GRM5: variants seen among roughly 807,000 people sequenced by gnomAD.
GRM5 encodes the protein metabotropic glutamate receptor 5.
In GRM5, 19 loss-of-function variants were observed where a neutral mutation model predicts 83.1. The ratio of observed to expected loss-of-function variants is 0.23; its 90% confidence interval spans 0.16 to 0.34. The LOEUF (loss-of-function observed/expected upper bound fraction) is 0.34. GRM5 is among the 10% of genes least tolerant of loss of function. The probability of loss-of-function intolerance (pLI) is 1.00; values close to 1 mark genes in which losing one functional copy is unlikely to be tolerated. For missense variants in GRM5, 1,160 were observed against 1,588.3 expected, an observed-to-expected ratio of 0.73 and a Z score of 4.58; for synonymous variants, 675 against 633.6, an observed-to-expected ratio of 1.07 and a Z score of -0.98.
chr11:88,935,361 G>A (rs1937857378), intron 2 of GRM5, among the ~76,000 whole-genome samples: 1 of 151,762 alleles, frequency 6.6e-6, no homozygotes, highest in African/African-American at 2.4e-5. Context: ...GTGTGTGTGT[G>A]TATAATTTAT....
chr11:89,064,746 A>T lies in GRM5; in HGVS notation c.-201+1030T>A, dbSNP rs182833739. ...AACTACCTAGGGTAGAACTGAATGA[A>T]CGCAGTGATGCCAAACCCGATCACC... On this transcript the variant is annotated intron_variant, in intron 1 of 9. Coordinates refer to ENST00000305447, the MANE Select transcript of GRM5 (RefSeq NM_001143831.3). Among the ~76,000 whole-genome samples the T allele has an allele frequency of 3.7e-3, 563 of 151,462 alleles. 3 individuals carry two copies. Among genetic ancestry groups the T allele is most frequent in the African/African-American group, 0.013 (533 of 41,378 alleles).
At chr11:88,784,950 T>C (rs1903840) in intron 3 of GRM5, among the ~76,000 whole-genome samples, 110,008 of 151,906 alleles carry the variant, frequency 0.72, 40,252 homozygotes, top group African/African-American at 0.75. Context: ...AATCATAGAC[T>C]AAGAGCTGAA....
chr11:88,609,142 C>G (rs1040918818), intron 4 of GRM5, among the ~76,000 whole-genome samples: 2 of 152,166 alleles, frequency 1.3e-5, no homozygotes, highest in African/African-American at 2.4e-5. Flanking sequence ...CCATAGCTCC[C>G]TACCACCCTT....
At chr11:89,023,162 TGTGCGCGCGC>T (rs1941029597) in intron 2 of GRM5, among the ~76,000 whole-genome samples, 1 of 151,058 alleles carries the variant, frequency 6.6e-6, no homozygotes. Flanking sequence ...TGTGTGTGTG[TGTGCGCGCGC>T]GTGCACATGT....
At chr11:88,755,100 T>C (rs1380184382) in intron 3 of GRM5, among the ~76,000 whole-genome samples, 2 of 152,192 alleles carry the variant, frequency 1.3e-5, no homozygotes, top group Non-Finnish European at 2.9e-5. Context: ...TAGAGAAATA[T>C]AATGGATTAA....
At position 88,567,809 on chromosome 11, in the gene GRM5, A is replaced by T; in HGVS notation, c.1874T>A (p.Ile625Asn). 6.2e-7 allele frequency: 1 copy of T among 1,614,150 alleles called. No homozygotes were observed. The highest frequency in any genetic ancestry group is 8.5e-7 in the Non-Finnish European group (1 of 1,179,974). ...RELCYIILAG[I>N]CLGYLCTFCL... is the part of the protein sequence containing the mutation. Reference sequence around the variant, plus strand: ...GAAGGTACATAAGTAGCCCAGGCAGATGCCAGCAAGGATAATGTAGCAGAG... The same window carrying T: ...GAAGGTACATAAGTAGCCCAGGCAGTTGCCAGCAAGGATAATGTAGCAGAG... Residue 625 changes from isoleucine (I) to asparagine (N), a missense_variant, in exon 8 of 10, where the codon ATC (isoleucine) becomes AAC (asparagine). Ile to Asn is a moderately radical substitution (Grantham distance 149, BLOSUM62 -3). Transcript: ENST00000305447. This position sits in a 1 kb window ranked among gnomAD's most constrained non-coding sequence, Gnocchi z 7.3.
At chr11:88,944,645 C>A (rs1590985573) in intron 2 of GRM5, among the ~76,000 whole-genome samples, 1 of 151,694 alleles carries the variant, frequency 6.6e-6, no homozygotes, top group African/African-American at 2.4e-5. Context: ...CAGTTGTGTG[C>A]AGCTTATAAA....
intron 2 of GRM5, among the ~76,000 whole-genome samples, chr11:88,945,470 A>G (rs1031437859): frequency 6.6e-6 from 1 of 152,104 alleles, no homozygotes; most frequent in Non-Finnish European, 1.5e-5. Context: ...AGCCAGATAC[A>G]TCACATCTTC....
chr11:88,678,725 G>A lies in GRM5; in HGVS notation c.912-25322C>T, dbSNP rs1024069958. ...TGGAAAGAAATATAATGAAGAAACTGATTTTATCTACTCTGAGGCTACAAA... is the reference window on the plus strand; with the variant it reads ...TGGAAAGAAATATAATGAAGAAACTAATTTTATCTACTCTGAGGCTACAAA... On this transcript the variant is annotated intron_variant, in intron 3 of 9. Coordinates refer to ENST00000305447, the MANE Select transcript of GRM5 (RefSeq NM_001143831.3). Among the ~76,000 whole-genome samples, 9 of 152,086 alleles carry A rather than the reference G, an allele frequency of 5.9e-5. 1 individual carries two copies. Among genetic ancestry groups the A allele is most frequent in the African/African-American group, 2.2e-4 (9 of 41,418 alleles).
chr11:88,828,639 T>C (rs77104129), intron 3 of GRM5, among the ~76,000 whole-genome samples: 3,878 of 152,186 alleles, frequency 0.025, 172 homozygotes, highest in African/African-American at 0.089. Flanking sequence ...TTAAAAAATT[T>C]TAGTGAATGT....
At position 88,757,653 on chromosome 11, in the gene GRM5, C is replaced by T. The variant is rs1942422991; in HGVS notation, c.911+92253G>A. 2.6e-5 allele frequency among the ~76,000 whole-genome samples: 4 copies of T among 152,084 alleles called. No individual in the cohort carries two copies. The South Asian group carries it at 8.3e-4, about 32-fold the overall frequency. ...CACAGTCACCAATAAGGGATGTCCT[C>T]CTCCAGTTACGCTGTCTCCCCCACT... On this transcript the variant is annotated intron_variant, in intron 3 of 9. Transcript: ENST00000305447.
At chr11:88,702,561 A>T (rs980621283) in intron 3 of GRM5, among the ~76,000 whole-genome samples, 1 of 152,114 alleles carries the variant, frequency 6.6e-6, no homozygotes, top group Non-Finnish European at 1.5e-5. Context: ...AATATGAAAG[A>T]TATTTTAGGG....
intron 3 of GRM5, among the ~76,000 whole-genome samples, chr11:88,736,746 G>A (rs1348778812): frequency 1.3e-5 from 2 of 151,928 alleles, no homozygotes; most frequent in South Asian, 2.1e-4. Flanking sequence ...TCCCTTGCAG[G>A]AAAATACTGT....
At chr11:89,038,780 T>G (rs950677898) in intron 2 of GRM5, among the ~76,000 whole-genome samples, 6 of 152,218 alleles carry the variant, frequency 3.9e-5, no homozygotes, top group Non-Finnish European at 7.3e-5. Flanking sequence ...TACTTTTCCT[T>G]GGAGCCACAC....
At chr11:88,580,671 A>G (rs1943199778) in intron 7 of GRM5, among the ~76,000 whole-genome samples, 1 of 152,176 alleles carries the variant, frequency 6.6e-6, no homozygotes, top group Non-Finnish European at 1.5e-5. Flanking sequence ...AAACTTCTGC[A>G]ATTTATTCAT....
At chr11:88,745,163 C>A (rs941189620) in intron 3 of GRM5, among the ~76,000 whole-genome samples, 1 of 150,520 alleles carries the variant, frequency 6.6e-6, no homozygotes, top group Non-Finnish European at 1.5e-5. Context: ...TTCTCTACTA[C>A]TCACTTCTCC....
At chr11:89,018,659 A>C (rs950923508) in intron 2 of GRM5, among the ~76,000 whole-genome samples, 3 of 152,162 alleles carry the variant, frequency 2.0e-5, no homozygotes, top group Non-Finnish European at 4.4e-5. Context: ...TGCAATAAGG[A>C]CTAGAGAGGA....
intron 3 of GRM5, among the ~76,000 whole-genome samples, chr11:88,780,507 T>C (rs1942953569): frequency 6.6e-6 from 1 of 152,026 alleles, no homozygotes; most frequent in African/African-American, 2.4e-5. Context: ...TCTTCTCAAC[T>C]GAAAAATGGG....
intron 2 of GRM5, among the ~76,000 whole-genome samples, chr11:88,991,801 G>C (rs1443730522): frequency 2.6e-5 from 4 of 151,980 alleles, no homozygotes; most frequent in African/African-American, 7.3e-5. Context: ...GGGAAAACTG[G>C]CTAGCCATAT....
Sources: allele counts gnomAD v4.1 joint callset (sites outside exome capture counted in the v4.1 genomes callset), GRCh38; gene constraint gnomAD v4.1.1; non-coding constraint Gnocchi (gnomAD v3.1); transcripts MANE v1.5; gene names NCBI Gene and HGNC (gene_info 2026-07-23, HGNC 2026-07-21).